Variants in AJUBA observed in about 807,000 individuals in gnomAD.
AJUBA encodes the protein ajuba LIM protein, also known as LIM domain-containing protein ajuba.
AJUBA carries 20 observed loss-of-function variants against 53.3 expected under a neutral mutation model. That is an observed-to-expected ratio of 0.38 (90% CI 0.26 to 0.55). The LOEUF is 0.55. Ranked by LOEUF, AJUBA falls within the 20% of genes least tolerant of loss-of-function variation. The pLI is 0.80. For synonymous variants in AJUBA, 296 were observed against 306.2 expected, an observed-to-expected ratio of 0.97 and a Z score of 0.35; for missense variants, 580 against 730.5, an observed-to-expected ratio of 0.79 and a Z score of 2.38.
chr14:22,978,536 G>T, intron 1 of AJUBA, 91 bp from the exon 2 acceptor site: 1 of 1,531,528 alleles, frequency 6.5e-7, no homozygotes. Flanking sequence ...ATGTGCCAGG[G>T]GTCACAGTCT....
chr14:22,981,206 A>G lies in AJUBA; in HGVS notation c.1006+55T>C, dbSNP rs905503655. ...GCACTTTGGGCCGTCGGGGCAGTGG[A>G]GAACCGAATACCGTGACGGGTCCCT... On this transcript the variant is annotated intron_variant, in intron 1 of 7. Transcript: ENST00000262713. 3.3e-6 allele frequency: 5 copies of G among 1,526,294 alleles called. No individual in the cohort carries two copies. In the African/African-American group the frequency reaches 6.9e-5, roughly 21 times the overall value. 94.5% of individuals were successfully genotyped at this position (1,526,294 alleles called of 1,614,324 possible).
In AJUBA at chr14:22,982,209, C is replaced by A. The variant is rs368077584; in HGVS notation, c.58G>T (p.Gly20Cys). ...RLLEKFGRRK[G>C]ESSRSGSDGT... ...TCAGACCCAGACCGGCTAGATTCAC[C>A]CTTTCTGCGGCCGAACTTCTCCAGC... The change falls in exon 1 of 8, where the codon GGT (glycine) becomes TGT (cysteine). Residue 20 changes from glycine (G) to cysteine (C), a missense_variant. Coordinates refer to ENST00000262713, the MANE Select transcript of AJUBA (RefSeq NM_032876.6). 1.1e-5 allele frequency: 18 copies of A among 1,613,852 alleles called. No individual in the cohort carries two copies. The highest frequency in any genetic ancestry group is 1.3e-5 in the Non-Finnish European group (15 of 1,179,918).
At position 22,978,280 on chromosome 14, in the gene AJUBA, T is replaced by C. The variant is rs1440110164; in HGVS notation, c.1108+64A>G. 8.9e-6 allele frequency: 13 copies of C among 1,463,702 alleles called. No homozygotes were observed. In the Admixed American group the frequency reaches 1.4e-4, roughly 16 times the overall value. 90.7% of individuals were successfully genotyped at this position (1,463,702 alleles called of 1,614,324 possible). A position where few individuals can be genotyped will look rare whatever the true frequency, so the allele number is the denominator to read the frequency against. ...GCACAAGCTCTCCTCCTGTTCCCCA[T>C]AGCACTTGTAAGTGTGTATGTGGGC... On this transcript the variant is annotated intron_variant, in intron 2 of 7. Coordinates refer to ENST00000262713, the MANE Select transcript of AJUBA (RefSeq NM_032876.6).
In AJUBA at chr14:22,981,571, G is replaced by C; in HGVS notation, c.696C>G (p.Pro232=). 1 of 1,569,188 alleles carries C rather than the reference G, an allele frequency of 6.4e-7. No individual in the cohort carries two copies. Among genetic ancestry groups the C allele is most frequent in the South Asian group, 1.1e-5 (1 of 87,192 alleles). ...GAGCTCCAGGGCTGCCCAGGGCCGG[G>C]GGATACGAGTGGCGGCTTTCCTGGC... ...FGCQESRHSY[P]PALGSPGALA... is the part of the protein sequence containing the mutation. The change falls in exon 1 of 8, where the codon CCC becomes CCG. Residue 232 remains proline (P), a synonymous_variant. Coordinates refer to ENST00000262713, the MANE Select transcript of AJUBA (RefSeq NM_032876.6).
In AJUBA at chr14:22,980,921, G is replaced by T. The variant is rs766260482; in HGVS notation, c.1006+340C>A. Among the ~76,000 whole-genome samples, 12 of 152,228 alleles carry T rather than the reference G, an allele frequency of 7.9e-5. No homozygotes were observed. The South Asian group carries it at 8.3e-4, about 11-fold the overall frequency. On this transcript the variant is annotated intron_variant, in intron 1 of 7. Transcript: ENST00000262713. The stretch of plus-strand genomic sequence containing the variant: ...ACCTCCAGGGGCACCGCCGTGAAAG[G>T]GGGGAGCAAGTTGGGGGGGATGCGC...
rs750447652 is a variant in AJUBA, at chr14:22,981,286, C to T, written c.981G>A (p.Glu327=). 1 of 1,610,894 alleles carries T rather than the reference C, an allele frequency of 6.2e-7. No individual in the cohort carries two copies. Among genetic ancestry groups the T allele is most frequent in the Non-Finnish European group, 8.5e-7 (1 of 1,178,062 alleles). Reference sequence around the variant, plus strand: ...CGAAGTAGTCCTCCCTGGCCTCTGGCTCCCGCATCCGGGCCCGGGCGGCCT... The same window carrying T: ...CGAAGTAGTCCTCCCTGGCCTCTGGTTCCCGCATCCGGGCCCGGGCGGCCT... The part of the protein sequence containing the change: ...VPEAARARMR[E]PEAREDYFGT... Residue 327 remains glutamate (E), a synonymous_variant, in exon 1 of 8, where the codon GAG becomes GAA. Coordinates refer to ENST00000262713, the MANE Select transcript of AJUBA (RefSeq NM_032876.6).
rs947155878 is a variant in AJUBA at position 22,972,090 on chromosome 14, A to G, written c.*1353T>C. ...AAAATAGGAATTGAGCTTTTGGCAA[A>G]TTAGTCATTAAGTCATTAACTTTAA... On this transcript the variant is annotated 3_prime_UTR_variant, in exon 8 of 8. Coordinates refer to ENST00000262713, the MANE Select transcript of AJUBA (RefSeq NM_032876.6). 5.2e-5 allele frequency: 8 copies of G among 152,642 alleles called. No homozygotes were observed. The highest frequency in any genetic ancestry group is 1.9e-4 in the African/African-American group (8 of 41,462). The allele number at this position is 152,642 out of a possible 1,614,324, so 9.5% of individuals were successfully genotyped here.
chr14:22,980,488 A>G (rs1238712167), intron 1 of AJUBA: 1 of 605,408 alleles, frequency 1.7e-6, no homozygotes, highest in Non-Finnish European at 2.1e-6. Flanking sequence ...CAGGGTCGTT[A>G]TCCATCCAGA....
In AJUBA at chr14:22,973,173, A is replaced by G. The variant is rs1161582899; in HGVS notation, c.*270T>C. 2.2e-6 allele frequency: 1 copy of G among 461,852 alleles called. No individual in the cohort carries two copies. 28.6% of individuals were successfully genotyped at this position (461,852 alleles called of 1,614,324 possible). A position where few individuals can be genotyped will look rare whatever the true frequency, so the allele number is the denominator to read the frequency against. Reference sequence around the variant, plus strand: ...ACTGAAGATACAGAATCAGATGTTCAGAAAGTCCTGGAACCCTCCTGTGTG... The same window carrying G: ...ACTGAAGATACAGAATCAGATGTTCGGAAAGTCCTGGAACCCTCCTGTGTG... On this transcript the variant is annotated 3_prime_UTR_variant, in exon 8 of 8. Transcript: ENST00000262713.
rs377262977 is a variant in AJUBA, at chr14:22,981,349, C to T, written c.918G>A (p.Pro306=). Reference sequence around the variant, plus strand: ...GACCTGGTGGCTCCTCCAGACCCGACGGCTCAATCCCCGAGGGTTCTCCGC... The same window carrying T: ...GACCTGGTGGCTCCTCCAGACCCGATGGCTCAATCCCCGAGGGTTCTCCGC... ...GARGEPSGIE[P]SGLEEPPGPF... The change falls in exon 1 of 8, where the codon CCG becomes CCA. Residue 306 remains proline, a synonymous_variant. Coordinates refer to ENST00000262713, the MANE Select transcript of AJUBA (RefSeq NM_032876.6). The T allele has an allele frequency of 2.2e-5, 36 of 1,613,244 alleles. No homozygotes were observed. Among genetic ancestry groups the T allele is most frequent in the African/African-American group, 4.0e-5 (3 of 74,950 alleles).
At chr14:22,978,867 GA>G in intron 1 of AJUBA, 1 of 1,271,738 alleles carries the variant, frequency 7.9e-7, no homozygotes, top group Non-Finnish European at 1.0e-6. Flanking sequence ...ATACTTTCTA[GA>G]GAAAGCAGGC....
Position 22,980,830 on chromosome 14 carries a change from C to A in AJUBA, c.1006+431G>T, listed in dbSNP as rs922089912. Among the ~76,000 whole-genome samples, 21 of 152,034 alleles carry A rather than the reference C, an allele frequency of 1.4e-4. No individual in the cohort carries two copies. In the South Asian group the frequency reaches 3.7e-3, roughly 27 times the overall value. On this transcript the variant is annotated intron_variant, in intron 1 of 7. Coordinates refer to ENST00000262713, the MANE Select transcript of AJUBA (RefSeq NM_032876.6). ...ACGCGGCCAGCCTGCCCCGCCCCCC[C>A]ACCCGCGCATTCTCCGAATTCCTGC...
At position 22,981,695 on chromosome 14, in the gene AJUBA, G is replaced by A. The variant is rs772436649; in HGVS notation, c.572C>T (p.Ala191Val). 4.6e-6 allele frequency: 7 copies of A among 1,519,890 alleles called. No homozygotes were observed. The highest frequency in any genetic ancestry group is 3.7e-5 in the South Asian group (3 of 81,078). 94.2% of individuals were successfully genotyped at this position (1,519,890 alleles called of 1,614,324 possible). A position where few individuals can be genotyped will look rare whatever the true frequency, so the allele number is the denominator to read the frequency against. The change falls in exon 1 of 8, where the codon GCA (alanine) becomes GTA (valine). Residue 191 changes from alanine to valine, a missense_variant. By Grantham distance (64) the Ala-to-Val change is moderately conservative. Transcript: ENST00000262713. ...PCLFGPPLAG[A>V]PAGYSPGGVP... is the part of the protein sequence containing the mutation. ...CCCTCCGGGAGAATAGCCTGCCGGTGCTCCGGCCAGGGGTGGGCCAAACAG... is the reference window on the plus strand; with the variant it reads ...CCCTCCGGGAGAATAGCCTGCCGGTACTCCGGCCAGGGGTGGGCCAAACAG...
chr14:22,976,344 A>T, intron 4 of AJUBA, 112 bp downstream of exon 4: 2 of 1,094,384 alleles, frequency 1.8e-6, no homozygotes, highest in African/African-American at 1.5e-5. Flanking sequence ...GATGAAAGTG[A>T]TTCATCTGGT....
At chr14:22,976,262 G>A (rs568917471) in intron 4 of AJUBA, among the ~76,000 whole-genome samples, 194 bp downstream of exon 4, 13 of 152,180 alleles carry the variant, frequency 8.5e-5, no homozygotes, top group African/African-American at 3.1e-4. Context: ...TGGGTTGACA[G>A]GCTTTTGAGC....
chr14:22,975,209 A>C (rs867450165), intron 4 of AJUBA, 105 bp from the exon 5 acceptor site: 3 of 1,444,072 alleles, frequency 2.1e-6, no homozygotes, highest in Non-Finnish European at 2.8e-6. Flanking sequence ...ACCCGCTGCT[A>C]TACTCCCAGA....
chr14:22,980,884 C>A (rs1279995889), intron 1 of AJUBA, among the ~76,000 whole-genome samples: 2 of 151,878 alleles, frequency 1.3e-5, no homozygotes, highest in Non-Finnish European at 2.9e-5. Flanking sequence ...GGTGGGGGCG[C>A]GGCGCGCACA....
At position 22,974,130 on chromosome 14, in the gene AJUBA, C is replaced by G; in HGVS notation, c.1423-15G>C. 6.2e-7 allele frequency: 1 copy of G among 1,613,972 alleles called. No homozygotes were observed. The highest frequency in any genetic ancestry group is 8.5e-7 in the Non-Finnish European group (1 of 1,179,882). Reference sequence around the variant, plus strand: ...TCCTCACAGCCCTGAAACATGCAGACCCCCATGGAGATGAGAGCAGCATGT... The same window carrying G: ...TCCTCACAGCCCTGAAACATGCAGAGCCCCATGGAGATGAGAGCAGCATGT... On this transcript the variant is annotated splice_polypyrimidine_tract_variant and intron_variant, in intron 6 of 7. Coordinates refer to ENST00000262713, the MANE Select transcript of AJUBA (RefSeq NM_032876.6).
rs2044991685 is a variant in AJUBA at position 22,972,395 on chromosome 14, C to T, written c.*1048G>A. ...GTGTGTGTGTGCATGAACACACCCA[C>T]ACATGCATACACTGGGCTATATGGC... On this transcript the variant is annotated 3_prime_UTR_variant, in exon 8 of 8. Transcript: ENST00000262713. The T allele has an allele frequency of 6.6e-6, 1 of 152,448 alleles. No individual in the cohort carries two copies. The allele number at this position is 152,448 out of a possible 1,614,324, so 9.4% of individuals were successfully genotyped here.
Sources: gnomAD v4.1 joint callset for allele counts (sites outside exome capture counted in the v4.1 genomes callset) on GRCh38, gnomAD v4.1.1 for gene constraint, MANE v1.5 for transcripts, NCBI Gene and HGNC (gene_info 2026-07-23, HGNC 2026-07-21) for gene names.